Variants in SHLD1 observed in about 807,000 individuals in gnomAD.
SHLD1 encodes the protein RINN1-REV7-interacting novel NHEJ regulator 3.
In SHLD1, 3 loss-of-function variants were observed where a neutral mutation model predicts 5.5. The ratio of observed to expected loss-of-function variants is 0.54; its 90% confidence interval spans 0.25 to 1.40. SHLD1 has a LOEUF of 1.40. Ranked by LOEUF, SHLD1 falls within the 40% of genes most tolerant of loss-of-function variation. The probability of loss-of-function intolerance (pLI) is 0.15; values close to 1 mark genes in which losing one functional copy is unlikely to be tolerated. For synonymous variants in SHLD1, 92 were observed against 94.3 expected (o/e 0.98, Z 0.14); for missense variants, 210 against 244.4 (o/e 0.86, Z 0.94).
intron 2 of SHLD1, among the ~76,000 whole-genome samples, chr20:5,827,875 C>T (rs1161081451): frequency 7.5e-6 from 1 of 133,624 alleles, no homozygotes; most frequent in African/African-American, 2.5e-5. Context: ...ACCACTTCCT[C>T]TATAGACCAG....
chr20:5,815,948 G>C (rs934423140), intron 2 of SHLD1, among the ~76,000 whole-genome samples: 13 of 151,984 alleles, frequency 8.6e-5, no homozygotes, highest in African/African-American at 3.1e-4. Flanking sequence ...AGGTGTGGTG[G>C]TGTGTGCCTG....
intron 2 of SHLD1, among the ~76,000 whole-genome samples, chr20:5,834,111 A>T (rs2087762299): frequency 6.6e-6 from 1 of 152,214 alleles, no homozygotes; most frequent in African/African-American, 2.4e-5. Flanking sequence ...TTCAGTGAAC[A>T]GTGCTCAATT....
At chr20:5,837,344 T>G (rs555422643) in intron 2 of SHLD1, among the ~76,000 whole-genome samples, 2 of 152,326 alleles carry the variant, frequency 1.3e-5, no homozygotes, top group African/African-American at 4.8e-5. Flanking sequence ...GTGCAGGATG[T>G]GCAAGTTTGT....
chr20:5,755,804 C>G (rs1279759402), intron 1 of SHLD1, among the ~76,000 whole-genome samples: 1 of 152,160 alleles, frequency 6.6e-6, no homozygotes, highest in Non-Finnish European at 1.5e-5. Context: ...AGTGATCCGC[C>G]CACCTCGGCT....
At chr20:5,799,659 A>C (rs925673074) in intron 2 of SHLD1, among the ~76,000 whole-genome samples, 9 of 151,972 alleles carry the variant, frequency 5.9e-5, no homozygotes, top group African/African-American at 1.9e-4. Flanking sequence ...GAAGGAATTG[A>C]CTCAGCTCTT....
At chr20:5,774,298 T>A (rs1985328485) in intron 2 of SHLD1, among the ~76,000 whole-genome samples, 1 of 152,192 alleles carries the variant, frequency 6.6e-6, no homozygotes, top group Non-Finnish European at 1.5e-5. Context: ...AATGTAGGCT[T>A]TAATGATGAT....
chr20:5,812,776 G>T (rs1483679436), intron 2 of SHLD1, among the ~76,000 whole-genome samples: 2 of 152,192 alleles, frequency 1.3e-5, no homozygotes, highest in African/African-American at 4.8e-5. Flanking sequence ...AATGCTTATT[G>T]TGTATCTACT....
chr20:5,841,751 C>T (rs2087864566), intron 2 of SHLD1, among the ~76,000 whole-genome samples: 1 of 152,154 alleles, frequency 6.6e-6, no homozygotes, highest in South Asian at 2.1e-4. Flanking sequence ...CAGCTTCTTT[C>T]TCATGATCTC....
At chr20:5,832,838 A>AATAC (rs1350997546) in intron 2 of SHLD1, among the ~76,000 whole-genome samples, 20 of 147,762 alleles carry the variant, frequency 1.4e-4, no homozygotes, top group East Asian at 6.0e-4. Flanking sequence ...TAAATAAATA[A>AATAC]ATAAATAAAT....
At chr20:5,837,691 AACAGCCTGCTG>A (rs1244036412) in intron 2 of SHLD1, among the ~76,000 whole-genome samples, 1 of 152,230 alleles carries the variant, frequency 6.6e-6, no homozygotes, top group Non-Finnish European at 1.5e-5. Flanking sequence ...TTTAACTACT[AACAGCCTGCTG>A]TTGACCAGAA....
At chr20:5,783,426 G>A (rs1268380029) in intron 2 of SHLD1, among the ~76,000 whole-genome samples, 1 of 152,152 alleles carries the variant, frequency 6.6e-6, no homozygotes, top group Non-Finnish European at 1.5e-5. Context: ...GTTTCACCAT[G>A]TTGGCCAGGC....
At chr20:5,788,364 A>G (rs962288917) in intron 2 of SHLD1, among the ~76,000 whole-genome samples, 1 of 152,246 alleles carries the variant, frequency 6.6e-6, no homozygotes, top group African/African-American at 2.4e-5. Context: ...TGCAGTATAA[A>G]TAAGATGAGG....
intron 2 of SHLD1, among the ~76,000 whole-genome samples, chr20:5,829,890 A>AC (rs397777157): frequency 6.6e-6 from 1 of 150,582 alleles, no homozygotes; most frequent in African/African-American, 2.4e-5. Flanking sequence ...GGAAAAAAAA[A>AC]CACAGGCAAT....
intron 1 of SHLD1, among the ~76,000 whole-genome samples, chr20:5,750,691 A>C (rs1194255208): frequency 6.6e-6 from 1 of 151,736 alleles, no homozygotes; most frequent in African/African-American, 2.4e-5. Context: ...GTGAGTATGG[A>C]TAAGCTTCGG....
At chr20:5,832,453 C>T (rs1283878463) in intron 2 of SHLD1, among the ~76,000 whole-genome samples, 1 of 151,774 alleles carries the variant, frequency 6.6e-6, no homozygotes, top group African/African-American at 2.4e-5. Flanking sequence ...TCTTATTCAC[C>T]ACTTAAATTT....
chr20:5,779,643 T>C (rs1026551995), intron 2 of SHLD1, among the ~76,000 whole-genome samples: 2 of 152,192 alleles, frequency 1.3e-5, no homozygotes, highest in Non-Finnish European at 2.9e-5. Flanking sequence ...CTTGCTGTTA[T>C]GTGTTGTAAG....
rs1233726340 is a variant in SHLD1 at position 5,785,688 on chromosome 20, C to G, written c.178+12645C>G. Among the ~76,000 whole-genome samples, 3 of 149,888 alleles carry G rather than the reference C, an allele frequency of 2.0e-5. No homozygotes were observed. The South Asian group carries it at 6.3e-4, about 32-fold the overall frequency. ...GTACACGCCTGTAGTCTCAGCTACTCGGGAGGCTGAGACAGGAGAATTGCT... is the reference window on the plus strand; with the variant it reads ...GTACACGCCTGTAGTCTCAGCTACTGGGGAGGCTGAGACAGGAGAATTGCT... On this transcript the variant is annotated intron_variant, in intron 2 of 2. Transcript: ENST00000303142.
intron 2 of SHLD1, among the ~76,000 whole-genome samples, chr20:5,775,739 T>C (rs1341672492): frequency 6.6e-6 from 1 of 152,026 alleles, no homozygotes; most frequent in Non-Finnish European, 1.5e-5. Flanking sequence ...ACTTAGCCCC[T>C]CTGTACCTGT....
chr20:5,800,841 C>CTGTG lies in SHLD1; in HGVS notation c.178+27811_178+27814dup, dbSNP rs544411356. ...AATCCATCTTTATCTGTATCTATAC[C>CTGTG]TGTGTGTGTGTGTGTGCGTATGTCT... On this transcript the variant is annotated intron_variant, in intron 2 of 2. Transcript: ENST00000303142. Among the ~76,000 whole-genome samples the CTGTG allele has an allele frequency of 1.7e-4, 7 of 41,176 alleles. No individual in the cohort carries two copies. In the South Asian group the frequency reaches 5.5e-3, roughly 32 times the overall value. 27.0% of individuals were successfully genotyped at this position (41,176 alleles called of 152,430 possible).
Sources: allele counts gnomAD v4.1 joint callset (sites outside exome capture counted in the v4.1 genomes callset), GRCh38; gene constraint gnomAD v4.1.1; transcripts MANE v1.5; gene names NCBI Gene and HGNC (gene_info 2026-07-23, HGNC 2026-07-21).